The following CALN1 variants were observed in gnomAD, a reference collection of about 807,000 sequenced individuals.
CALN1 encodes calneuron 1.
A neutral mutation model predicts 30.6 loss-of-function variants in CALN1; 17 were observed. The observed-to-expected ratio is 0.56, with a 90% CI of 0.38 to 0.83. The LOEUF is 0.83. CALN1 is among the 40% of genes least tolerant of loss of function. The pLI is 0.00. For missense variants in CALN1, 291 were observed against 354.9 expected, an observed-to-expected ratio of 0.82 and a Z score of 1.45; for synonymous variants, 156 against 131.4, an observed-to-expected ratio of 1.19 and a Z score of -1.28.
At chr7:72,451,438 G>A (rs28711229), upstream of CALN1, among the ~76,000 whole-genome samples, 5,631 of 150,334 alleles carry the variant, frequency 0.037, 349 homozygotes, top group African/African-American at 0.13. Flanking sequence ...GAAGGGGGAG[G>A]AGGAGAAGGA....
upstream of CALN1, among the ~76,000 whole-genome samples, chr7:72,412,709 G>A (rs953078357): frequency 6.6e-6 from 1 of 152,086 alleles, no homozygotes; most frequent in African/African-American, 2.4e-5. Flanking sequence ...AAACAAACTG[G>A]AACAATAAAA....
At chr7:71,884,059 G>A (rs1017560770) in intron 5 of CALN1, among the ~76,000 whole-genome samples, 1 of 152,158 alleles carries the variant, frequency 6.6e-6, no homozygotes, top group South Asian at 2.1e-4. Flanking sequence ...GACTACAGGT[G>A]TGCGCCACCA....
chr7:71,848,965 T>C (rs1790479872), intron 5 of CALN1, among the ~76,000 whole-genome samples: 1 of 152,162 alleles, frequency 6.6e-6, no homozygotes, highest in Non-Finnish European at 1.5e-5. Context: ...TTTCTCCTGG[T>C]CTGTAGTTTC....
At chr7:72,054,230 G>T (rs950994237) in intron 4 of CALN1, among the ~76,000 whole-genome samples, 1 of 151,702 alleles carries the variant, frequency 6.6e-6, no homozygotes, top group African/African-American at 2.4e-5. Flanking sequence ...ACTGTTTTCC[G>T]TAGCGGCTGT....
chr7:72,110,311 G>A (rs1807474639), intron 3 of CALN1, among the ~76,000 whole-genome samples: 1 of 152,178 alleles, frequency 6.6e-6, no homozygotes, highest in African/African-American at 2.4e-5. Flanking sequence ...CCTCCGAGTT[G>A]CCCCACCTTT....
At chr7:71,965,362 TAGATACTA>T (rs1364923809) in intron 5 of CALN1, among the ~76,000 whole-genome samples, 1 of 152,156 alleles carries the variant, frequency 6.6e-6, no homozygotes, top group Non-Finnish European at 1.5e-5. Flanking sequence ...TTTAATTGTT[TAGATACTA>T]AGATACTACT....
In CALN1 at chr7:72,306,860, G is replaced by A. The variant is rs192903590; in HGVS notation, c.120-28050C>T. On this transcript the variant is annotated intron_variant, in intron 2 of 6. Transcript: ENST00000395275. ...TCTTGAGGGCTTTGTCTCGGGCCATGGTCACTCCTATTTGGCTCAGAATAA... is the reference window on the plus strand; with the variant it reads ...TCTTGAGGGCTTTGTCTCGGGCCATAGTCACTCCTATTTGGCTCAGAATAA... Among the ~76,000 whole-genome samples the A allele has an allele frequency of 1.3e-3, 193 of 152,232 alleles. 1 individual carries two copies. Among genetic ancestry groups the A allele is most frequent in the South Asian group, 3.7e-3 (18 of 4,820 alleles).
intron 3 of CALN1, among the ~76,000 whole-genome samples, chr7:72,258,146 G>C (rs1301834035): frequency 6.6e-6 from 1 of 152,068 alleles, no homozygotes; most frequent in East Asian, 1.9e-4. Flanking sequence ...TTGCCTAAGA[G>C]CACAGAGATA....
chr7:71,844,733 C>T (rs1019777908), intron 5 of CALN1, among the ~76,000 whole-genome samples: 2 of 152,118 alleles, frequency 1.3e-5, no homozygotes, highest in African/African-American at 4.8e-5. Flanking sequence ...GTGAAATGGA[C>T]TCACCCCTGA....
chr7:71,847,672 ACTCTG>A (rs1240777543), intron 5 of CALN1, among the ~76,000 whole-genome samples: 2 of 150,116 alleles, frequency 1.3e-5, no homozygotes, highest in Admixed American at 6.7e-5. Context: ...ACAGAGTGAG[ACTCTG>A]TCAAAAAAAA....
At chr7:72,245,618 C>CTAAATAAATAAATAAA (rs36174609) in intron 3 of CALN1, among the ~76,000 whole-genome samples, 27 of 143,442 alleles carry the variant, frequency 1.9e-4, no homozygotes, top group African/African-American at 2.8e-4. Context: ...AACTCCATCT[C>CTAAATAAATAAATAAA]TAAATAAATA....
At chr7:72,496,565 T>A in the CALN1 span, among the ~76,000 whole-genome samples, 1 of 152,184 alleles carries the variant, frequency 6.6e-6, no homozygotes, top group South Asian at 2.1e-4. Flanking sequence ...TCAATTTGTT[T>A]GGGGCCTAGG....
chr7:72,375,059 T>C (rs913573080), intron 2 of CALN1, among the ~76,000 whole-genome samples: 3 of 152,150 alleles, frequency 2.0e-5, no homozygotes, highest in African/African-American at 7.2e-5. Flanking sequence ...AAAAAAAGAT[T>C]GTCTTTATTT....
the CALN1 span, among the ~76,000 whole-genome samples, chr7:72,472,674 C>G: frequency 1.1e-4 from 16 of 152,084 alleles, no homozygotes; most frequent in African/African-American, 3.9e-4. Flanking sequence ...CTCAGCTACT[C>G]AAGAGGCTGA....
chr7:72,026,806 A>G (rs1055732481), intron 4 of CALN1, among the ~76,000 whole-genome samples: 1 of 152,236 alleles, frequency 6.6e-6, no homozygotes, highest in Non-Finnish European at 1.5e-5. Flanking sequence ...CTCAACTGGT[A>G]TTTGTAAAAG....
intron 1 of CALN1, among the ~76,000 whole-genome samples, chr7:72,419,417 C>T (rs1238440327): frequency 2.0e-5 from 3 of 152,058 alleles, no homozygotes; most frequent in African/African-American, 4.8e-5. Context: ...ATTTGGCTGC[C>T]GTATTTTCCT....
At chr7:72,238,043 C>G (rs774071953) in intron 3 of CALN1, among the ~76,000 whole-genome samples, 2 of 152,134 alleles carry the variant, frequency 1.3e-5, no homozygotes, top group Non-Finnish European at 2.9e-5. Context: ...TAATGACCCA[C>G]AAAACAAGGA....
chr7:71,841,645 T>C (rs1789944960), intron 5 of CALN1, among the ~76,000 whole-genome samples: 1 of 152,128 alleles, frequency 6.6e-6, no homozygotes, highest in Non-Finnish European at 1.5e-5. Flanking sequence ...ATGTGGTAGA[T>C]ATACACTGTG....
At chr7:72,057,163 T>C (rs939784344) in intron 4 of CALN1, among the ~76,000 whole-genome samples, 1 of 151,844 alleles carries the variant, frequency 6.6e-6, no homozygotes, top group Non-Finnish European at 1.5e-5. Flanking sequence ...CCCAGACTAG[T>C]CTTGAACGCC....
Sources: allele counts gnomAD v4.1 joint callset (sites outside exome capture counted in the v4.1 genomes callset), GRCh38; gene constraint gnomAD v4.1.1; transcripts MANE v1.5; gene names NCBI Gene and HGNC (gene_info 2026-07-23, HGNC 2026-07-21).